PRSS57: variants seen among roughly 807,000 people sequenced by gnomAD.
PRSS57 encodes the protein neutrophil serine protease 4.
Under a neutral mutation model 20.6 loss-of-function variants are expected in PRSS57, and 19 were observed. The ratio of observed to expected loss-of-function variants is 0.92; its 90% confidence interval spans 0.64 to 1.35. The LOEUF (loss-of-function observed/expected upper bound fraction) is 1.35. Ranked by LOEUF, PRSS57 falls within the 40% of genes most tolerant of loss-of-function variation. The pLI, the probability that PRSS57 is intolerant of heterozygous loss-of-function variation, is 0.00. For synonymous variants in PRSS57, 203 were observed against 176.6 expected (o/e 1.15, Z -1.19); for missense variants, 440 against 403.7 (o/e 1.09, Z -0.77).
intron 1 of PRSS57, 75 bp downstream of exon 1, chr19:695,275 GAC>G: frequency 5.9e-6 from 4 of 673,278 alleles, no homozygotes; most frequent in Non-Finnish European, 8.4e-6. Flanking sequence ...GTTCTCCCGG[GAC>G]TGGGGGTTCC....
intron 3 of PRSS57, among the ~76,000 whole-genome samples, chr19:687,706 C>T (rs927273398): frequency 6.6e-6 from 1 of 152,058 alleles, no homozygotes; most frequent in Non-Finnish European, 1.5e-5. Context: ...CGCCCAGCCT[C>T]AAAGAGTCTT....
chr19:693,210 C>T lies in PRSS57; in HGVS notation c.234-1208G>A, dbSNP rs1055801260. ...CCTCCCAAAGTGCCGGGATTACAGG[C>T]GTGAGCCACCGCACCCGGCCTTTTT... On this transcript the variant is annotated intron_variant, in intron 2 of 4. Transcript: ENST00000329267. 5.0e-3 allele frequency among the ~76,000 whole-genome samples: 693 copies of T among 139,850 alleles called. 5 individuals carry two copies. The highest frequency in any genetic ancestry group is 0.018 in the African/African-American group (659 of 37,444). 91.7% of individuals were successfully genotyped at this position (139,850 alleles called of 152,430 possible). A position where few individuals can be genotyped will look rare whatever the true frequency, so the allele number is the denominator to read the frequency against.
intron 2 of PRSS57, among the ~76,000 whole-genome samples, chr19:693,745 G>A (rs150440495): frequency 8.0e-5 from 12 of 150,478 alleles, no homozygotes; most frequent in Non-Finnish European, 1.6e-4. Flanking sequence ...ACTAATTTTC[G>A]TATTTTTTTT....
In PRSS57 at chr19:685,615, G is replaced by A. The variant is rs1004000880; in HGVS notation, c.*101C>T. ...GAATGGGTGTGCCCCACCGCTGCCC[G>A]TCCCACCCCAACCCTGAACATCAGG... On this transcript the variant is annotated 3_prime_UTR_variant, in exon 5 of 5. Coordinates refer to ENST00000329267, the MANE Select transcript of PRSS57 (RefSeq NM_001308209.2). The A allele has an allele frequency of 3.7e-5, 44 of 1,192,032 alleles. 1 individual carries two copies. The highest frequency in any genetic ancestry group is 5.9e-4 in the Middle Eastern group (2 of 3,364). The allele number at this position is 1,192,032 out of a possible 1,614,324, so 73.8% of individuals were successfully genotyped here.
chr19:689,610 G>A (rs1256524143), intron 3 of PRSS57, among the ~76,000 whole-genome samples: 6 of 152,106 alleles, frequency 3.9e-5, no homozygotes, highest in African/African-American at 9.7e-5. Context: ...GGGACCTGAC[G>A]TCCAACTGTC....
chr19:693,470 T>C (rs9807910), intron 2 of PRSS57, among the ~76,000 whole-genome samples: 116,011 of 151,948 alleles, frequency 0.76, 44,512 homozygotes, highest in Non-Finnish European at 0.79. Flanking sequence ...ATCTATGAAA[T>C]GGAGGCCCAG....
intron 4 of PRSS57, among the ~76,000 whole-genome samples, 193 bp from the exon 5 acceptor site, chr19:686,115 C>T (rs1319171448): frequency 6.6e-6 from 1 of 152,148 alleles, no homozygotes; most frequent in Non-Finnish European, 1.5e-5. Flanking sequence ...TGAGCCTCCT[C>T]AGTGCTCCAC....
chr19:694,749 G>C, intron 2 of PRSS57, 65 bp downstream of exon 2: 1 of 1,509,640 alleles, frequency 6.6e-7, no homozygotes, highest in East Asian at 2.6e-5. Context: ...TCCCCCACCA[G>C]CCTGGAGTCC....
chr19:686,898 G>A lies in PRSS57; in HGVS notation c.642+27C>T, dbSNP rs1286811410. On this transcript the variant is annotated intron_variant, in intron 4 of 4. Transcript: ENST00000329267. ...GGGCCTTGGTTTCCCCACACAGTAA[G>A]TGGGTGGAGCAGGGAGGGGATCTTA... The A allele has an allele frequency of 8.1e-6, 13 of 1,602,910 alleles. No individual in the cohort carries two copies. In the Admixed American group the frequency reaches 1.2e-4, roughly 15 times the overall value.
At chr19:689,456 T>G (rs926930003) in intron 3 of PRSS57, among the ~76,000 whole-genome samples, 1 of 151,984 alleles carries the variant, frequency 6.6e-6, no homozygotes, top group African/African-American at 2.4e-5. Context: ...GAGACTGTGC[T>G]GGGGATGGGA....
At position 685,617 on chromosome 19, in the gene PRSS57, C is replaced by T; in HGVS notation, c.*99G>A. ...ATGGGTGTGCCCCACCGCTGCCCGT[C>T]CCACCCCAACCCTGAACATCAGGCT... is the stretch of plus-strand genomic sequence containing the variant. On this transcript the variant is annotated 3_prime_UTR_variant, in exon 5 of 5. Transcript: ENST00000329267. 8.2e-7 allele frequency: 1 copy of T among 1,221,994 alleles called. No individual in the cohort carries two copies. Among genetic ancestry groups the T allele is most frequent in the South Asian group, 1.5e-5 (1 of 64,852 alleles). The allele number at this position is 1,221,994 out of a possible 1,614,324, so 75.7% of individuals were successfully genotyped here.
Position 691,846 on chromosome 19 carries a change from C to T in PRSS57, c.378+12G>A. ...AAACTAAACATACGTCAGATCCACC[C>T]CCGGGGCTCACCCGCAGCAGGCAGA... is the stretch of plus-strand genomic sequence containing the variant. On this transcript the variant is annotated intron_variant, in intron 3 of 4. Transcript: ENST00000329267. The T allele has an allele frequency of 3.0e-6, 4 of 1,326,314 alleles. No individual in the cohort carries two copies. Among genetic ancestry groups the T allele is most frequent in the Non-Finnish European group, 3.9e-6 (4 of 1,028,184 alleles). The allele number at this position is 1,326,314 out of a possible 1,614,324, so 82.2% of individuals were successfully genotyped here. A position where few individuals can be genotyped will look rare whatever the true frequency, so the allele number is the denominator to read the frequency against.
intron 3 of PRSS57, among the ~76,000 whole-genome samples, chr19:688,266 G>A (rs995767499): frequency 3.3e-5 from 5 of 152,048 alleles, no homozygotes; most frequent in African/African-American, 9.7e-5. Flanking sequence ...GTGAACCAGC[G>A]CTGGTTCCAG....
rs559372628 is a variant in PRSS57, at chr19:694,828, G to A, written c.219C>T (p.His73=). Residue 73 remains histidine (H), a synonymous_variant, in exon 2 of 5, where the codon CAC becomes CAT. Coordinates refer to ENST00000329267, the MANE Select transcript of PRSS57 (RefSeq NM_001308209.2). ...LRARWVVSAA[H]CFSHRDLRTG... is the part of the protein sequence containing the mutation. ...GGTGAGCTCACCTGTGGCTGAAGCA[G>A]TGGGCGGCCGAGACCACCCAGCGGG... 5 of 1,607,732 alleles carry A rather than the reference G, an allele frequency of 3.1e-6. No homozygotes were observed. Among genetic ancestry groups the A allele is most frequent in the East Asian group, 4.5e-5 (2 of 44,474 alleles).
rs181763940 is a variant in PRSS57 at position 690,243 on chromosome 19, A to G, written c.378+1615T>C. ...GGAGAATCGCTTGAACCTGGGAGGC[A>G]GAGGCTGCAGTGAGCCGAGATCGTG... On this transcript the variant is annotated intron_variant, in intron 3 of 4. Coordinates refer to ENST00000329267, the MANE Select transcript of PRSS57 (RefSeq NM_001308209.2). 7.5e-3 allele frequency: 1,135 copies of G among 151,670 alleles called. 82 individuals carry two copies. The East Asian group carries it at 0.17, about 23-fold the overall frequency. 9.4% of individuals were successfully genotyped at this position (151,670 alleles called of 1,614,324 possible). A position where few individuals can be genotyped will look rare whatever the true frequency, so the allele number is the denominator to read the frequency against.
At chr19:692,029 CG>C in intron 2 of PRSS57, 27 bp from the exon 3 acceptor site, 2 of 1,301,038 alleles carry the variant, frequency 1.5e-6, no homozygotes, top group African/African-American at 1.5e-5. Context: ...GTGGGTGAGA[CG>C]GGGGTGAGGG....
At chr19:695,275 G>T in intron 1 of PRSS57, 77 bp downstream of exon 1, 1 of 673,276 alleles carries the variant, frequency 1.5e-6, no homozygotes, top group Non-Finnish European at 2.1e-6. Flanking sequence ...GTTCTCCCGG[G>T]ACTGGGGGTT....
chr19:692,261 C>T (rs143620260), intron 2 of PRSS57, among the ~76,000 whole-genome samples: 1,761 of 150,516 alleles, frequency 0.012, 41 homozygotes, highest in African/African-American at 0.04. Flanking sequence ...CCCAGCTACT[C>T]GGGAGGCTGA....
intron 2 of PRSS57, among the ~76,000 whole-genome samples, chr19:692,565 C>T (rs1008624545): frequency 4.6e-5 from 7 of 151,304 alleles, no homozygotes; most frequent in Non-Finnish European, 7.4e-5. Context: ...TACAGGCGTG[C>T]GCCACCACTC....
Sources: allele counts gnomAD v4.1 joint callset (sites outside exome capture counted in the v4.1 genomes callset), GRCh38; gene constraint gnomAD v4.1.1; transcripts MANE v1.5; gene names NCBI Gene and HGNC (gene_info 2026-07-23, HGNC 2026-07-21).